IFT80: variants seen among roughly 807,000 people sequenced by gnomAD.
The protein encoded by IFT80 is intraflagellar transport protein 80 homolog.
In IFT80, 79 loss-of-function variants were observed where a neutral mutation model predicts 107.9. The observed-to-expected ratio is 0.73, with a 90% CI of 0.61 to 0.88. The LOEUF is 0.88. Among genes scored for constraint, IFT80 ranks in the 40% least tolerant of loss-of-function variants. The pLI is 0.00. For synonymous variants in IFT80, 299 were observed against 300.9 expected (o/e 0.99, Z 0.07); for missense variants, 797 against 914.2 (o/e 0.87, Z 1.65).
At chr3:160,347,687 T>C (rs1435079118) in intron 8 of IFT80, among the ~76,000 whole-genome samples, 1 of 152,188 alleles carries the variant, frequency 6.6e-6, no homozygotes, top group Admixed American at 6.5e-5. Context: ...CCAGTCTTTT[T>C]ACTAAATAAC....
Position 160,279,374 on chromosome 3 carries a change from A to G in IFT80, c.1665-10T>C. On this transcript the variant is annotated splice_polypyrimidine_tract_variant and intron_variant, in intron 15 of 19. Coordinates refer to ENST00000326448, the MANE Select transcript of IFT80 (RefSeq NM_020800.3). ...ATTTTTACTAAATTCACTGTTGAAAAAAAAAGCAAAGTACAATTTAAAGTT... is the reference window on the plus strand; with the variant it reads ...ATTTTTACTAAATTCACTGTTGAAAGAAAAAGCAAAGTACAATTTAAAGTT... 6.2e-7 allele frequency: 1 copy of G among 1,610,920 alleles called. No individual in the cohort carries two copies. Among genetic ancestry groups the G allele is most frequent in the Non-Finnish European group, 8.5e-7 (1 of 1,177,312 alleles).
At chr3:160,295,843 T>C (rs1351069437) in intron 12 of IFT80, among the ~76,000 whole-genome samples, 1 of 152,204 alleles carries the variant, frequency 6.6e-6, no homozygotes, top group Non-Finnish European at 1.5e-5. Flanking sequence ...TCCTGCAACA[T>C]GTAACAACAT....
intron 7 of IFT80, among the ~76,000 whole-genome samples, 171 bp from the exon 8 acceptor site, chr3:160,356,321 T>C (rs1306216298): frequency 6.6e-6 from 1 of 152,198 alleles, no homozygotes; most frequent in African/African-American, 2.4e-5. Context: ...ACCTTATATA[T>C]TAGCAATTAA....
At chr3:160,374,059 A>C (rs972646404) in intron 5 of IFT80, among the ~76,000 whole-genome samples, 2 of 152,190 alleles carry the variant, frequency 1.3e-5, no homozygotes, top group African/African-American at 4.8e-5. Flanking sequence ...GAAATGGTGA[A>C]TCCACAGGTA....
At chr3:160,295,463 G>C (rs1435415963) in intron 12 of IFT80, among the ~76,000 whole-genome samples, 1 of 151,950 alleles carries the variant, frequency 6.6e-6, no homozygotes, top group East Asian at 1.9e-4. Flanking sequence ...AAATTAACTG[G>C]ACATAGAGGT....
chr3:160,297,879 G>A (rs754113096), intron 12 of IFT80, among the ~76,000 whole-genome samples: 6 of 152,022 alleles, frequency 3.9e-5, no homozygotes, highest in Admixed American at 6.6e-5. Context: ...ATGGGAGGCT[G>A]GTCCTGTTTT....
intron 13 of IFT80, among the ~76,000 whole-genome samples, chr3:160,284,875 T>C (rs1481152975): frequency 6.6e-6 from 1 of 152,072 alleles, no homozygotes; most frequent in Non-Finnish European, 1.5e-5. Flanking sequence ...GTTTTGTTGA[T>C]ACATACACTA....
chr3:160,393,973 A>G (rs1392854453), intron 1 of IFT80, among the ~76,000 whole-genome samples: 1 of 152,210 alleles, frequency 6.6e-6, no homozygotes, highest in African/African-American at 2.4e-5. Flanking sequence ...TAAAAGAAGT[A>G]CAGTTTTTAT....
intron 8 of IFT80, among the ~76,000 whole-genome samples, chr3:160,347,443 A>G (rs1294672679): frequency 6.6e-6 from 1 of 151,840 alleles, no homozygotes; most frequent in Non-Finnish European, 1.5e-5. Context: ...GTGACACCAT[A>G]CCTCTTCTGC....
At chr3:160,272,560 C>T (rs6808628) in intron 18 of IFT80, among the ~76,000 whole-genome samples, 11,921 of 152,100 alleles carry the variant, frequency 0.078, 1,449 homozygotes, top group African/African-American at 0.26. Context: ...CCCTTCTGAT[C>T]TCTATTGCTA....
intron 18 of IFT80, among the ~76,000 whole-genome samples, chr3:160,271,981 C>T (rs1304068567): frequency 6.6e-6 from 1 of 151,368 alleles, no homozygotes. Flanking sequence ...TTCCTAGATT[C>T]AACAACCAAT....
rs143263489 is a variant in IFT80, at chr3:160,355,743, A to G, written c.777+270T>C. ...TCCATATTGAATGGGCATAAATTTT[A>G]ATACTTTAACTACTTCATCCTTCAC... On this transcript the variant is annotated intron_variant, in intron 8 of 19. Transcript: ENST00000326448. 3.9e-3 allele frequency among the ~76,000 whole-genome samples: 600 copies of G among 152,372 alleles called. 2 individuals carry two copies. The highest frequency in any genetic ancestry group is 0.024 in the East Asian group (125 of 5,194).
chr3:160,347,733 C>T (rs548693630), intron 8 of IFT80, among the ~76,000 whole-genome samples: 4 of 152,228 alleles, frequency 2.6e-5, no homozygotes, highest in South Asian at 4.1e-4. Flanking sequence ...AAACATGATC[C>T]TTCTTCTCCA....
intron 12 of IFT80, among the ~76,000 whole-genome samples, chr3:160,293,326 T>A (rs1715717194): frequency 6.6e-6 from 1 of 152,238 alleles, no homozygotes; most frequent in African/African-American, 2.4e-5. Context: ...TGGACTGGAC[T>A]AATTATTAAT....
chr3:160,316,103 G>A (rs1717796547), intron 9 of IFT80, among the ~76,000 whole-genome samples: 2 of 151,982 alleles, frequency 1.3e-5, no homozygotes, highest in South Asian at 2.1e-4. Context: ...TTCTGAGCTC[G>A]GGTTATAAAA....
rs140555693 is a variant in IFT80 at position 160,372,290 on chromosome 3, G to C, written c.439+3522C>G. 5.3e-5 allele frequency among the ~76,000 whole-genome samples: 8 copies of C among 152,144 alleles called. No homozygotes were observed. In the East Asian group the frequency reaches 1.5e-3, roughly 29 times the overall value. On this transcript the variant is annotated intron_variant, in intron 5 of 19. Coordinates refer to ENST00000326448, the MANE Select transcript of IFT80 (RefSeq NM_020800.3). ...CAAAATTTAGTTTCTCCCTTCAAAG[G>C]AGGCAGTAGTCTTGCACCCCCAGCT...
intron 8 of IFT80, among the ~76,000 whole-genome samples, chr3:160,335,286 G>A (rs187938609): frequency 4.7e-5 from 7 of 149,078 alleles, no homozygotes; most frequent in Admixed American, 2.0e-4. Flanking sequence ...GTTTGAGTGC[G>A]GTGGCACAAT....
chr3:160,313,321 C>T (rs1171236456), intron 9 of IFT80, among the ~76,000 whole-genome samples: 2 of 150,808 alleles, frequency 1.3e-5, no homozygotes, highest in Non-Finnish European at 2.9e-5. Context: ...TCTATTCAAA[C>T]TGCCTGCAAA....
At chr3:160,295,283 T>C (rs1332856799) in intron 12 of IFT80, among the ~76,000 whole-genome samples, 1 of 152,070 alleles carries the variant, frequency 6.6e-6, no homozygotes, top group East Asian at 1.9e-4. Context: ...GTACAGCCAC[T>C]GTGAAATATA....
Sources: allele counts gnomAD v4.1 joint callset (sites outside exome capture counted in the v4.1 genomes callset), GRCh38; gene constraint gnomAD v4.1.1; transcripts MANE v1.5; gene names NCBI Gene and HGNC (gene_info 2026-07-23, HGNC 2026-07-21).